The following PIWIL2 variants were observed in gnomAD, a reference collection of about 807,000 sequenced individuals.
The protein encoded by PIWIL2 is piwi-like protein 2.
In PIWIL2, 81 loss-of-function variants were observed where a neutral mutation model predicts 116.5. The ratio of observed to expected loss-of-function variants is 0.70; its 90% confidence interval spans 0.58 to 0.84. The LOEUF (loss-of-function observed/expected upper bound fraction) is 0.84, where lower values mean the gene tolerates loss of function less well. Ranked by LOEUF, PIWIL2 falls within the 40% of genes least tolerant of loss-of-function variation. The probability of loss-of-function intolerance (pLI) is 0.00; values close to 1 mark genes in which losing one functional copy is unlikely to be tolerated. For missense variants in PIWIL2, 1,272 were observed against 1,212.3 expected, an observed-to-expected ratio of 1.05 and a Z score of -0.73; for synonymous variants, 489 against 429.5, an observed-to-expected ratio of 1.14 and a Z score of -1.71.
At chr8:22,321,076 A>G (rs1831587141) in intron 20 of PIWIL2, among the ~76,000 whole-genome samples, 1 of 152,182 alleles carries the variant, frequency 6.6e-6, no homozygotes, top group Non-Finnish European at 1.5e-5. Flanking sequence ...TGAACTATGA[A>G]CTTAAGTAGT....
Position 22,349,079 on chromosome 8 carries a change from C to G in PIWIL2, c.2404-3880C>G, listed in dbSNP as rs1270590858. ...TTTTTTTTTTTTTGAGATGGGATCT[C>G]ACTCTGTCACCCAGGCTGGAGTGCA... On this transcript the variant is annotated intron_variant, in intron 20 of 22. Transcript: ENST00000356766. 2.1e-5 allele frequency among the ~76,000 whole-genome samples: 3 copies of G among 140,034 alleles called. No individual in the cohort carries two copies. The Admixed American group carries it at 2.3e-4, about 11-fold the overall frequency. The allele number at this position is 140,034 out of a possible 152,430, so 91.9% of individuals were successfully genotyped here. A position where few individuals can be genotyped will look rare whatever the true frequency, so the allele number is the denominator to read the frequency against.
intron 20 of PIWIL2, among the ~76,000 whole-genome samples, chr8:22,336,553 C>CTTAA (rs776005730): frequency 1.3e-5 from 2 of 151,954 alleles, no homozygotes; most frequent in South Asian, 2.1e-4. Flanking sequence ...CAGCTTCCAC[C>CTTAA]TTAAGGAACC....
chr8:22,322,091 C>A (rs1216515249), intron 20 of PIWIL2: 1 of 422,756 alleles, frequency 2.4e-6, no homozygotes, highest in Admixed American at 6.4e-5. Flanking sequence ...GATAGAGTTC[C>A]CATACATCCT....
chr8:22,311,973 T>C (rs1416231628), intron 16 of PIWIL2, among the ~76,000 whole-genome samples: 1 of 151,966 alleles, frequency 6.6e-6, no homozygotes, highest in Non-Finnish European at 1.5e-5. Context: ...TTTTGAGAGA[T>C]TGGGTCAGCT....
chr8:22,334,309 C>T (rs570868278), intron 20 of PIWIL2, among the ~76,000 whole-genome samples: 1 of 151,538 alleles, frequency 6.6e-6, no homozygotes, highest in Non-Finnish European at 1.5e-5. Flanking sequence ...TGATTATATA[C>T]AAAATTTGGG....
chr8:22,283,259 C>T lies in PIWIL2; in HGVS notation c.632+19C>T, dbSNP rs1586533813. The T allele has an allele frequency of 6.4e-7, 1 of 1,568,490 alleles. No homozygotes were observed. The highest frequency in any genetic ancestry group is 8.8e-7 in the Non-Finnish European group (1 of 1,139,342). On this transcript the variant is annotated intron_variant, in intron 5 of 22. Transcript: ENST00000356766. ...AGGAAAAGTAAGTCAGGAGCACTGC[C>T]TTCTCTACTTAGTAATGATCGTGAA...
intron 6 of PIWIL2, among the ~76,000 whole-genome samples, chr8:22,285,864 C>T (rs1586536947): frequency 1.3e-5 from 2 of 152,026 alleles, no homozygotes; most frequent in South Asian, 4.1e-4. Context: ...AGGCTGGTCT[C>T]AAACTCCTGA....
At chr8:22,299,577 A>G (rs1046354772) in intron 10 of PIWIL2, among the ~76,000 whole-genome samples, 5 of 152,140 alleles carry the variant, frequency 3.3e-5, no homozygotes, top group Non-Finnish European at 7.4e-5. Flanking sequence ...GTTTGAGTCT[A>G]TTTCCAGATC....
chr8:22,291,792 C>G (rs917906224), intron 10 of PIWIL2, among the ~76,000 whole-genome samples: 1 of 152,006 alleles, frequency 6.6e-6, no homozygotes, highest in African/African-American at 2.4e-5. Context: ...TATCAGATAG[C>G]AAAACAAAGA....
At chr8:22,293,250 A>G (rs1830804936) in intron 10 of PIWIL2, among the ~76,000 whole-genome samples, 1 of 152,118 alleles carries the variant, frequency 6.6e-6, no homozygotes, top group Admixed American at 6.6e-5. Context: ...TCAAGGCTGC[A>G]ATGTGCTATG....
At chr8:22,316,777 C>A (rs997473875) in intron 19 of PIWIL2, among the ~76,000 whole-genome samples, 1 of 151,716 alleles carries the variant, frequency 6.6e-6, no homozygotes, top group African/African-American at 2.4e-5. Context: ...CCATCATGCC[C>A]GGCTATGAAA....
At chr8:22,327,052 G>C (rs1372268286) in intron 20 of PIWIL2, among the ~76,000 whole-genome samples, 1 of 111,286 alleles carries the variant, frequency 9.0e-6, no homozygotes, top group Admixed American at 1.2e-4. Context: ...TTTTGAGACA[G>C]AGTCTTGCTC....
At chr8:22,303,718 A>T (rs1831106944) in intron 10 of PIWIL2, among the ~76,000 whole-genome samples, 1 of 152,022 alleles carries the variant, frequency 6.6e-6, no homozygotes, top group Middle Eastern at 3.2e-3. Context: ...TATTTCCTGC[A>T]GTTCAGGCCC....
intron 10 of PIWIL2, among the ~76,000 whole-genome samples, chr8:22,295,832 T>C (rs1379196352): frequency 6.6e-6 from 1 of 152,186 alleles, no homozygotes; most frequent in Non-Finnish European, 1.5e-5. Context: ...GGGTAGTAAG[T>C]CAACTAAGGT....
At chr8:22,336,754 G>A (rs1831989340) in intron 20 of PIWIL2, among the ~76,000 whole-genome samples, 1 of 152,054 alleles carries the variant, frequency 6.6e-6, no homozygotes, top group African/African-American at 2.4e-5. Context: ...AATAATATTA[G>A]TAGATATTAG....
intron 20 of PIWIL2, among the ~76,000 whole-genome samples, chr8:22,334,583 A>G (rs753700047): frequency 4.6e-5 from 7 of 151,880 alleles, no homozygotes; most frequent in Admixed American, 1.3e-4. Flanking sequence ...GACTTTGTCA[A>G]TACTAATGTA....
chr8:22,321,185 A>G (rs1831589498), intron 20 of PIWIL2, among the ~76,000 whole-genome samples: 1 of 152,162 alleles, frequency 6.6e-6, no homozygotes, highest in Middle Eastern at 3.2e-3. Context: ...TCTCTGAATC[A>G]AAAGAATTTT....
At chr8:22,346,302 A>G (rs1445755172) in intron 20 of PIWIL2, among the ~76,000 whole-genome samples, 2 of 152,216 alleles carry the variant, frequency 1.3e-5, no homozygotes, top group African/African-American at 4.8e-5. Context: ...GCTGTTCAAA[A>G]TAAAAAGCAC....
At chr8:22,278,856 T>TTG (rs1278784343) in intron 1 of PIWIL2, among the ~76,000 whole-genome samples, 1 of 152,210 alleles carries the variant, frequency 6.6e-6, no homozygotes, top group Non-Finnish European at 1.5e-5. Flanking sequence ...GGGATCTAGG[T>TTG]TGCATCCTCC....
Sources: gnomAD v4.1 joint callset for allele counts (sites outside exome capture counted in the v4.1 genomes callset) on GRCh38, gnomAD v4.1.1 for gene constraint, MANE v1.5 for transcripts, NCBI Gene and HGNC (gene_info 2026-07-23, HGNC 2026-07-21) for gene names.